ESPL1: variants seen among roughly 807,000 people sequenced by gnomAD.
The protein encoded by ESPL1 is separin.
Under a neutral mutation model 217.2 loss-of-function variants are expected in ESPL1, and 50 were observed. That is an observed-to-expected ratio of 0.23 (90% CI 0.18 to 0.29). The LOEUF is 0.29. Among genes scored for constraint, ESPL1 ranks in the 10% least tolerant of loss-of-function variants. The pLI is 1.00. For synonymous variants in ESPL1, 994 were observed against 1,081.3 expected (o/e 0.92, Z 1.58); for missense variants, 1,834 against 2,603.0 (o/e 0.70, Z 6.43).
chr12:53,270,923 G>C (rs2120877952), intron 5 of ESPL1, 125 bp downstream of exon 5: 1 of 1,038,486 alleles, frequency 9.6e-7, no homozygotes, highest in Non-Finnish European at 1.4e-6. Flanking sequence ...GAGGCAGTGA[G>C]AGAAATGTTT....
chr12:53,277,475 C>A lies in ESPL1; in HGVS notation c.2091C>A (p.Ile697=). The A allele has an allele frequency of 1.2e-6, 2 of 1,613,874 alleles. No homozygotes were observed. Among genetic ancestry groups the A allele is most frequent in the Non-Finnish European group, 1.7e-6 (2 of 1,179,898 alleles). Residue 697 remains isoleucine (I), a synonymous_variant, in exon 10 of 31, where the codon ATC becomes ATA. Coordinates refer to ENST00000257934, the MANE Select transcript of ESPL1 (RefSeq NM_012291.5). ...ACCCCGATCTTCCCATCCAGGGTAT[C>A]GAGCGGGATCGGAGAGCCCAGGCCC... ...CTLEAKMQEG[I]ERDRRAQAPG...
intron 17 of ESPL1, 145 bp from the exon 18 acceptor site, chr12:53,285,779 T>C (rs1438045192): frequency 2.1e-5 from 11 of 526,986 alleles, no homozygotes; most frequent in Non-Finnish European, 3.7e-5. Flanking sequence ...TGATATGTTA[T>C]ACAGTAATAC....
At chr12:53,283,077 A>G in intron 14 of ESPL1, 52 bp from the exon 15 acceptor site, 1 of 1,611,740 alleles carries the variant, frequency 6.2e-7, no homozygotes, top group South Asian at 1.1e-5. Flanking sequence ...AGTAGCTAAA[A>G]GTGGTGAAGT....
At chr12:53,277,312 T>A (rs1943786160) in intron 9 of ESPL1, 85 bp downstream of exon 9, 3 of 1,520,860 alleles carry the variant, frequency 2.0e-6, no homozygotes, top group Admixed American at 2.1e-5. Flanking sequence ...ATCAGCCCTT[T>A]TTTTTGTTCG....
rs761125928 is a variant in ESPL1 at position 53,270,477 on chromosome 12, T to A, written c.1243T>A (p.Cys415Ser). ...GGTGGTTTATGACTTTGCCCAAGGC[T>A]GTCAGGTACTGTCTGGGAATCAAGG... ...TVVVYDFAQG[C>S]QIVDLADLTQ... Residue 415 changes from cysteine (C) to serine (S), a missense_variant, in exon 4 of 31, where the codon TGT (cysteine) becomes AGT (serine). Cys to Ser is a moderately radical substitution (Grantham distance 112). Coordinates refer to ENST00000257934, the MANE Select transcript of ESPL1 (RefSeq NM_012291.5). 6.2e-7 allele frequency: 1 copy of A among 1,610,198 alleles called. No individual in the cohort carries two copies. Among genetic ancestry groups the A allele is most frequent in the Admixed American group, 1.7e-5 (1 of 60,002 alleles).
chr12:53,289,982 C>T (rs972573043), intron 22 of ESPL1, 103 bp from the exon 23 acceptor site: 31 of 1,359,580 alleles, frequency 2.3e-5, no homozygotes, highest in Non-Finnish European at 3.1e-5. Context: ...CCAGGGAAGG[C>T]TTCTTGATGC....
At position 53,288,660 on chromosome 12, in the gene ESPL1, G is replaced by T. The variant is rs1565763801; in HGVS notation, c.4669G>T (p.Gly1557Cys). Residue 1557 changes from glycine (G) to cysteine (C), a missense_variant, in exon 20 of 31, where the codon GGT becomes TGT. Physicochemically the swap from Gly to Cys is radical, Grantham distance 159. Around this residue, in one of 5 missense-constraint regions of ESPL1, gnomAD observed 681 missense variants for 808.0 expected, o/e 0.84. Transcript: ENST00000257934. ...AGACAAGGAGAGTGACAAGGACCTT[G>T]GTCCTCGGCTCCGGCTCCCCTCAGC... The part of the protein sequence containing the change: ...CPDKESDKDL[G>C]PRLRLPSAPV... 1 of 1,613,762 alleles carries T rather than the reference G, an allele frequency of 6.2e-7. No individual in the cohort carries two copies. Among genetic ancestry groups the T allele is most frequent in the African/African-American group, 1.3e-5 (1 of 75,046 alleles).
intron 12 of ESPL1, 121 bp from the exon 13 acceptor site, chr12:53,281,386 A>ACCTTGGC: frequency 1.1e-6 from 1 of 931,428 alleles, no homozygotes; most frequent in Non-Finnish European, 1.6e-6. Context: ...TGATCCGCCC[A>ACCTTGGC]CCTTGGCCTC....
At position 53,282,386 on chromosome 12, in the gene ESPL1, C is replaced by T; in HGVS notation, c.2742C>T (p.Leu914=). The stretch of plus-strand genomic sequence containing the variant: ...AGCTGGTGGCAGCTTACCTTAGCCT[C>T]CCGTCAAACAACCTCTCACACTCCC... ...VLQLVAAYLS[L]PSNNLSHSLW... Residue 914 remains leucine (L), a synonymous_variant, in exon 14 of 31, where the codon CTC becomes CTT. Transcript: ENST00000257934. This position sits in a 1 kb window ranked among gnomAD's most constrained non-coding sequence, Gnocchi z 4.0. 6.2e-7 allele frequency: 1 copy of T among 1,614,180 alleles called. No homozygotes were observed. Among genetic ancestry groups the T allele is most frequent in the Non-Finnish European group, 8.5e-7 (1 of 1,180,022 alleles).
chr12:53,277,602 G>A lies in ESPL1; in HGVS notation c.2218G>A (p.Asp740Asn). 6.2e-7 allele frequency: 1 copy of A among 1,614,182 alleles called. No individual in the cohort carries two copies. Among genetic ancestry groups the A allele is most frequent in the Non-Finnish European group, 8.5e-7 (1 of 1,179,996 alleles). Residue 740 changes from aspartate (D) to asparagine (N), a missense_variant, in exon 10 of 31, where the codon GAT (aspartate) becomes AAT (asparagine). Transcript: ENST00000257934. ...YSNIAFNLAA[D>N]AAQSKCLDQA... ...TAACATTGCCTTCAACCTGGCTGCA[G>A]ATGCTGGTGAGGGGTAAATGGAGTG...
At chr12:53,268,722 A>C in intron 1 of ESPL1, 33 bp from the exon 2 acceptor site, 2 of 1,342,666 alleles carry the variant, frequency 1.5e-6, no homozygotes, top group Non-Finnish European at 2.1e-6. Context: ...AGCTTCATTA[A>C]CAATCTTCTC....
Position 53,276,653 on chromosome 12 carries a change from G to A in ESPL1, c.1734G>A (p.Pro578=), listed in dbSNP as rs144474323. 87 of 1,612,380 alleles carry A rather than the reference G, an allele frequency of 5.4e-5. No homozygotes were observed. The highest frequency in any genetic ancestry group is 6.2e-5 in the Non-Finnish European group (73 of 1,179,774). The part of the protein sequence containing the change: ...TLRDSLSGWD[P]ETLALLLREE... The stretch of plus-strand genomic sequence containing the variant: ...GAGACAGCCTCAGTGGCTGGGACCC[G>A]GAGACCCTGGCCCTCCTGCTGAGGG... The change falls in exon 8 of 31, where the codon CCG becomes CCA. Residue 578 remains proline (P), a synonymous_variant. Transcript: ENST00000257934.
rs1482839928 is a variant in ESPL1 at position 53,269,575 on chromosome 12, T to A, written c.633T>A (p.Gly211=). 1.2e-6 allele frequency: 2 copies of A among 1,614,040 alleles called. No homozygotes were observed. The highest frequency in any genetic ancestry group is 3.3e-5 in the Admixed American group (2 of 59,998). ...AGCTATTTGATGCCAGTGGCCATGGTCTAAATGAAGCAGATGCTGATTTCC... is the reference window on the plus strand; with the variant it reads ...AGCTATTTGATGCCAGTGGCCATGGACTAAATGAAGCAGATGCTGATTTCC... The part of the protein sequence containing the change: ...AHQLFDASGH[G]LNEADADFLD... The change falls in exon 3 of 31, where the codon GGT becomes GGA. Residue 211 remains glycine (G), a synonymous_variant. Coordinates refer to ENST00000257934, the MANE Select transcript of ESPL1 (RefSeq NM_012291.5). The surrounding 1 kb of genome is among the most constrained non-coding windows in gnomAD (Gnocchi z 6.7).
At chr12:53,278,335 G>A (rs777967585) in intron 11 of ESPL1, among the ~76,000 whole-genome samples, 1 of 151,766 alleles carries the variant, frequency 6.6e-6, no homozygotes, top group South Asian at 2.1e-4. Flanking sequence ...AATATAGCCC[G>A]GTGCGGTGGC....
chr12:53,272,861 C>T lies in ESPL1; in HGVS notation c.1506+4C>T, dbSNP rs768791016. The T allele has an allele frequency of 1.2e-6, 2 of 1,613,212 alleles. No homozygotes were observed. The highest frequency in any genetic ancestry group is 1.7e-6 in the Non-Finnish European group (2 of 1,179,898). On this transcript the variant is annotated splice_donor_region_variant and intron_variant, in intron 6 of 30. Coordinates refer to ENST00000257934, the MANE Select transcript of ESPL1 (RefSeq NM_012291.5). ...TCCCGAGGTGCCTCCTGAGAAGGTA[C>T]AAGGGAATGAGAGATGCAGGAAAGG...
At chr12:53,291,576 G>C in intron 25 of ESPL1, 114 bp from the exon 26 acceptor site, 4 of 1,196,710 alleles carry the variant, frequency 3.3e-6, no homozygotes, top group Admixed American at 2.2e-5. Context: ...GGGCGACAGA[G>C]CAAGACTCTG....
intron 4 of ESPL1, 72 bp from the exon 5 acceptor site, chr12:53,270,606 G>A: frequency 6.2e-7 from 1 of 1,606,410 alleles, no homozygotes; most frequent in Non-Finnish European, 8.5e-7. Flanking sequence ...TTGGCTTTGG[G>A]TGTGGAGTGC....
chr12:53,269,486 A>G lies in ESPL1; in HGVS notation c.544A>G (p.Ser182Gly). The change falls in exon 3 of 31, where the codon AGT (serine) becomes GGT (glycine). Residue 182 changes from serine (S) to glycine (G), a missense_variant. Physicochemically the swap from Ser to Gly is moderately conservative, Grantham distance 56. This residue lies in a region of ESPL1 where 746 missense variants were observed against 1,077.0 expected (regional missense o/e 0.69). Coordinates refer to ENST00000257934, the MANE Select transcript of ESPL1 (RefSeq NM_012291.5). This position sits in a 1 kb window ranked among gnomAD's most constrained non-coding sequence, Gnocchi z 6.7. ...CTTCCTAGTACTCTTGGAGGATGAA[A>G]GTACCCCTTGTGAGGTTCCTCACTT... Reference protein sequence around the residue: ...LSFLVLLEDESTPCEVPHFAS... With the variant: ...LSFLVLLEDEGTPCEVPHFAS... 6.2e-7 allele frequency: 1 copy of G among 1,614,226 alleles called. No individual in the cohort carries two copies.
Position 53,293,303 on chromosome 12 carries a change from G to T in ESPL1, c.6192G>T (p.Val2064=). The T allele has an allele frequency of 6.2e-7, 1 of 1,614,046 alleles. No individual in the cohort carries two copies. The highest frequency in any genetic ancestry group is 1.1e-5 in the South Asian group (1 of 91,070). The change falls in exon 31 of 31, where the codon GTG becomes GTT. Residue 2064 remains valine (V), a synonymous_variant. Coordinates refer to ENST00000257934, the MANE Select transcript of ESPL1 (RefSeq NM_012291.5). This position sits in a 1 kb window ranked among gnomAD's most constrained non-coding sequence, Gnocchi z 4.2. The stretch of plus-strand genomic sequence containing the variant: ...TGTTTCTGGGTAATCTCTGGGATGT[G>T]ACTGACCGCGACATTGACCGCTACA... ...CPLFLGNLWD[V]TDRDIDRYTE...
Sources: allele counts gnomAD v4.1 joint callset (sites outside exome capture counted in the v4.1 genomes callset), GRCh38; gene constraint gnomAD v4.1.1; regional missense constraint gnomAD v4.1.1; non-coding constraint Gnocchi (gnomAD v3.1); transcripts MANE v1.5; gene names NCBI Gene and HGNC (gene_info 2026-07-23, HGNC 2026-07-21).